Variants in IGF1R observed in about 807,000 individuals in gnomAD.
The protein encoded by IGF1R is insulin-like growth factor 1 receptor.
Under a neutral mutation model 144.6 loss-of-function variants are expected in IGF1R, and 44 were observed. The ratio of observed to expected loss-of-function variants is 0.30; its 90% CI spans 0.24 to 0.39. The LOEUF (loss-of-function observed/expected upper bound fraction) is 0.39. IGF1R is among the 10% of genes least tolerant of loss of function. IGF1R has a pLI of 1.00. For missense variants in IGF1R, 1,355 were observed against 1,833.7 expected, an observed-to-expected ratio of 0.74 and a Z score of 4.77; for synonymous variants, 795 against 722.8, an observed-to-expected ratio of 1.10 and a Z score of -1.60.
intron 2 of IGF1R, among the ~76,000 whole-genome samples, chr15:98,804,684 C>T (rs1017429332): frequency 1.3e-5 from 2 of 152,114 alleles, no homozygotes; most frequent in African/African-American, 4.8e-5. Context: ...ACCTGCTAAT[C>T]CGTTTACTGG....
At position 98,704,419 on chromosome 15, in the gene IGF1R, G is replaced by A. The variant is rs983787932; in HGVS notation, c.95-3143G>A. On this transcript the variant is annotated intron_variant, in intron 1 of 20. Transcript: ENST00000650285. This position sits in a 1 kb window ranked among gnomAD's most constrained non-coding sequence, Gnocchi z 4.9. ...GGCGGCAGGGTATCACAGAGGAGGA[G>A]CTCGGTGTGTTGGAGGTTGGTGAGT... is the stretch of plus-strand genomic sequence containing the variant. Among the ~76,000 whole-genome samples, 6 of 152,116 alleles carry A rather than the reference G, an allele frequency of 3.9e-5. No individual in the cohort carries two copies. The highest frequency in any genetic ancestry group is 8.8e-5 in the Non-Finnish European group (6 of 68,030).
At chr15:98,852,037 AGGTGGAGGGTTGG>A (rs1420849970) in intron 2 of IGF1R, among the ~76,000 whole-genome samples, 4 of 152,366 alleles carry the variant, frequency 2.6e-5, no homozygotes, top group South Asian at 4.1e-4. Context: ...TAATCTTAAA[AGGTGGAGGGTTGG>A]GGTGGAGGGC....
At chr15:98,739,947 G>T (rs2054700611) in intron 2 of IGF1R, among the ~76,000 whole-genome samples, 1 of 152,172 alleles carries the variant, frequency 6.6e-6, no homozygotes, top group African/African-American at 2.4e-5. Context: ...CAGGATTCCT[G>T]TGAAGGTACC....
intron 1 of IGF1R, among the ~76,000 whole-genome samples, chr15:98,654,224 C>T (rs1567059105): frequency 6.6e-6 from 1 of 152,188 alleles, no homozygotes; most frequent in Non-Finnish European, 1.5e-5. Context: ...TCACTGTAGA[C>T]TGTGACATAC....
chr15:98,803,394 G>A (rs1254014519), intron 2 of IGF1R, among the ~76,000 whole-genome samples: 1 of 152,170 alleles, frequency 6.6e-6, no homozygotes, highest in Non-Finnish European at 1.5e-5. Flanking sequence ...AGTCAGGCTT[G>A]CAGGACCAGA....
At position 98,957,540 on chromosome 15, in the gene IGF1R, G is replaced by A. The variant is rs541224051; in HGVS notation, c.*98G>A. The A allele has an allele frequency of 2.7e-6, 4 of 1,488,112 alleles. No homozygotes were observed. Among genetic ancestry groups the A allele is most frequent in the African/African-American group, 2.7e-5 (2 of 72,790 alleles). The allele number at this position is 1,488,112 out of a possible 1,614,324, so 92.2% of individuals were successfully genotyped here. A position where few individuals can be genotyped will look rare whatever the true frequency, so the allele number is the denominator to read the frequency against. ...TTAACAATCCATTCACAAGCCTCCT[G>A]TACCTCAGTGGATCTTCAGAACTGC... On this transcript the variant is annotated 3_prime_UTR_variant, in exon 21 of 21. Transcript: ENST00000650285.
chr15:98,916,157 G>T, intron 9 of IGF1R, 26 bp downstream of exon 9: 2 of 1,612,834 alleles, frequency 1.2e-6, no homozygotes, highest in Non-Finnish European at 1.7e-6. Flanking sequence ...CGGCCTGGAC[G>T]GAGGGTGTGA....
At chr15:98,951,059 A>T (rs2016754889) in intron 20 of IGF1R, among the ~76,000 whole-genome samples, 1 of 152,244 alleles carries the variant, frequency 6.6e-6, no homozygotes, top group Admixed American at 6.5e-5. Flanking sequence ...CTGCTTCCGA[A>T]CATAGGTTCA....
chr15:98,711,360 G>A (rs1233085867), intron 2 of IGF1R, among the ~76,000 whole-genome samples: 1 of 152,140 alleles, frequency 6.6e-6, no homozygotes, highest in East Asian at 1.9e-4. Context: ...GAGCCTACTC[G>A]ATTTTGTCGT....
At chr15:98,939,701 TCACTGTC>T (rs1407457533) in intron 18 of IGF1R, among the ~76,000 whole-genome samples, 1 of 152,234 alleles carries the variant, frequency 6.6e-6, no homozygotes, top group Non-Finnish European at 1.5e-5. Flanking sequence ...GGAATAAAAC[TCACTGTC>T]CAACCTTGCA....
rs1490854462 is a variant in IGF1R, at chr15:98,653,774, C to G, written c.94+4099C>G. Among the ~76,000 whole-genome samples the G allele has an allele frequency of 5.3e-5, 8 of 152,144 alleles. No homozygotes were observed. The East Asian group carries it at 1.3e-3, about 26-fold the overall frequency. On this transcript the variant is annotated intron_variant, in intron 1 of 20. Coordinates refer to ENST00000650285, the MANE Select transcript of IGF1R (RefSeq NM_000875.5). ...CTTAGTTTACTAATAAAAATGTTTC[C>G]TGCCCTTCCTATTGTTGCAAGATCA...
intron 18 of IGF1R, among the ~76,000 whole-genome samples, chr15:98,942,588 C>T (rs533142560): frequency 8.5e-5 from 13 of 152,332 alleles, no homozygotes; most frequent in Admixed American, 5.2e-4. Context: ...ATCTTCCTGT[C>T]GTGGCCTCCC....
chr15:98,905,669 G>GAA (rs869074593), intron 5 of IGF1R, among the ~76,000 whole-genome samples: 2 of 125,382 alleles, frequency 1.6e-5, no homozygotes. Flanking sequence ...GTCTCAAGGG[G>GAA]AAAAAAAAAA....
chr15:98,743,606 C>G (rs1456336342), intron 2 of IGF1R, among the ~76,000 whole-genome samples: 2 of 152,114 alleles, frequency 1.3e-5, no homozygotes, highest in South Asian at 4.1e-4. Flanking sequence ...GGTGGGGAAC[C>G]TGGAGGCGGG....
chr15:98,778,561 G>GTCTT (rs1400163228), intron 2 of IGF1R, among the ~76,000 whole-genome samples: 2 of 152,226 alleles, frequency 1.3e-5, no homozygotes, highest in Non-Finnish European at 1.5e-5. Context: ...TAAGAGTACG[G>GTCTT]TCTTTCTCCA....
intron 2 of IGF1R, among the ~76,000 whole-genome samples, chr15:98,738,004 T>C (rs1234743105): frequency 6.6e-6 from 1 of 152,188 alleles, no homozygotes; most frequent in East Asian, 1.9e-4. Flanking sequence ...CTGAGGTGGA[T>C]GGTGGCTCTA....
chr15:98,892,815 A>G (rs1257370787), intron 3 of IGF1R, among the ~76,000 whole-genome samples: 1 of 152,186 alleles, frequency 6.6e-6, no homozygotes, highest in Non-Finnish European at 1.5e-5. Context: ...CATGGGTTCA[A>G]GACCAGCCTG....
rs192450993 is a variant in IGF1R at position 98,715,544 on chromosome 15, T to C, written c.640+7437T>C. On this transcript the variant is annotated intron_variant, in intron 2 of 20. Transcript: ENST00000650285. ...CTTTGTTGCGTTAATACCTCTGTCT[T>C]GCTTTCCTCATGTGTATGCCAGTGT... 1.4e-3 allele frequency among the ~76,000 whole-genome samples: 210 copies of C among 152,352 alleles called. 4 individuals carry two copies. Among genetic ancestry groups the C allele is most frequent in the African/African-American group, 4.7e-3 (196 of 41,572 alleles).
chr15:98,888,438 A>AGAGAGAGAGTGTGTGTGTGT (rs1555457179), intron 2 of IGF1R, among the ~76,000 whole-genome samples: 4 of 143,354 alleles, frequency 2.8e-5, no homozygotes, highest in African/African-American at 1.0e-4. Context: ...AGAGAGAGAG[A>AGAGAGAGAGTGTGTGTGTGT]GTGTGTGTGT....
Sources: gnomAD v4.1 joint callset for allele counts (sites outside exome capture counted in the v4.1 genomes callset) on GRCh38, gnomAD v4.1.1 for gene constraint, Gnocchi (gnomAD v3.1) non-coding constraint, MANE v1.5 for transcripts, NCBI Gene and HGNC (gene_info 2026-07-23, HGNC 2026-07-21) for gene names.